MLLT10: variants seen among roughly 807,000 people sequenced by gnomAD.
MLLT10 encodes the protein MLLT10 histone lysine methyltransferase DOT1L cofactor.
Under a neutral mutation model 129.1 loss-of-function variants are expected in MLLT10, and 30 were observed. The ratio of observed to expected loss-of-function variants is 0.23; its 90% CI spans 0.17 to 0.32. The LOEUF (loss-of-function observed/expected upper bound fraction) is 0.32, where lower values mean the gene tolerates loss of function less well. Among genes scored for constraint, MLLT10 ranks in the 10% least tolerant of loss-of-function variants. The probability of loss-of-function intolerance (pLI) is 1.00; values close to 1 mark genes in which losing one functional copy is unlikely to be tolerated. For synonymous variants in MLLT10, 490 were observed against 446.4 expected, an observed-to-expected ratio of 1.10 and a Z score of -1.23; for missense variants, 1,119 against 1,268.3, an observed-to-expected ratio of 0.88 and a Z score of 1.79.
intron 3 of MLLT10, among the ~76,000 whole-genome samples, chr10:21,559,431 A>T (rs949631698): frequency 6.6e-6 from 1 of 152,220 alleles, no homozygotes; most frequent in African/African-American, 2.4e-5. Flanking sequence ...GAACATGGTA[A>T]TCTGATTATT....
rs71393913 is a variant in MLLT10, at chr10:21,610,984, CTTTTT to C, written c.406-1348_406-1344del. On this transcript the variant is annotated intron_variant, in intron 5 of 22. Transcript: ENST00000307729. ...ATCCTAGTTTTTCTTTCTTTTTTCT[CTTTTT>C]TTTTTTTTTTTTTTTCCTTTTTTTG... Among the ~76,000 whole-genome samples the C allele has an allele frequency of 7.1e-3, 732 of 102,894 alleles. 3 individuals are homozygous for C. Among genetic ancestry groups the C allele is most frequent in the Non-Finnish European group, 9.7e-3 (503 of 51,834 alleles). The allele number at this position is 102,894 out of a possible 152,430, so 67.5% of individuals were successfully genotyped here. A position where few individuals can be genotyped will look rare whatever the true frequency, so the allele number is the denominator to read the frequency against.
At position 21,670,693 on chromosome 10, in the gene MLLT10, C is replaced by G. The variant is rs201546942; in HGVS notation, c.1040C>G (p.Pro347Arg). The G allele has an allele frequency of 1.9e-5, 31 of 1,613,590 alleles. No homozygotes were observed. Among genetic ancestry groups the G allele is most frequent in the African/African-American group, 2.7e-5 (2 of 74,896 alleles). ...GGAACAACTGTGTCAGCAGCTAGCC[C>G]TTTTCCTCAAGGTATTAGTGATGTT... ...NPGTTVSAAS[P>R]FPQGSFSGTP... Residue 347 changes from proline (P) to arginine (R), a missense_variant, in exon 10 of 23, where the codon CCT becomes CGT. Physicochemically the swap from Pro to Arg is moderately radical, Grantham distance 103. Around this residue, in one of 5 missense-constraint regions of MLLT10, gnomAD observed 1,004 missense variants for 1,008.7 expected, o/e 1.00. Coordinates refer to ENST00000307729, the MANE Select transcript of MLLT10 (RefSeq NM_001195626.3).
intron 3 of MLLT10, among the ~76,000 whole-genome samples, chr10:21,547,974 T>C (rs2036383656): frequency 6.6e-6 from 1 of 152,176 alleles, no homozygotes; most frequent in African/African-American, 2.4e-5. Flanking sequence ...TTTGAAGGTT[T>C]TGGTATTTTT....
At chr10:21,600,670 TTTTTC>T (rs1488080152) in intron 5 of MLLT10, among the ~76,000 whole-genome samples, 5 of 152,212 alleles carry the variant, frequency 3.3e-5, no homozygotes, top group Non-Finnish European at 7.3e-5. Flanking sequence ...CTTAAATTGA[TTTTTC>T]TTTTCTGGAA....
At chr10:21,534,093 A>G (rs1309998632), upstream of MLLT10, 1 of 235,362 alleles carries the variant, frequency 4.2e-6, no homozygotes, top group East Asian at 8.2e-5. Flanking sequence ...CCCCCAGCAC[A>G]CCTCGGCGGC....
intron 5 of MLLT10, among the ~76,000 whole-genome samples, chr10:21,600,167 C>T (rs1160295512): frequency 1.3e-5 from 2 of 151,952 alleles, no homozygotes; most frequent in East Asian, 1.9e-4. Flanking sequence ...TATTTTTATC[C>T]TGGCACCACA....
rs1564748582 is a variant in MLLT10, at chr10:21,735,219, C to G, written c.2939C>G (p.Ser980Cys). The G allele has an allele frequency of 6.2e-7, 1 of 1,612,572 alleles. No individual in the cohort carries two copies. The highest frequency in any genetic ancestry group is 2.2e-5 in the East Asian group (1 of 44,860). The change falls in exon 21 of 23, where the codon TCT (serine) becomes TGT (cysteine). Residue 980 changes from serine (S) to cysteine (C), a missense_variant. Ser to Cys is a moderately radical substitution (Grantham distance 112, BLOSUM62 -1). Transcript: ENST00000307729. ...HQQQFQQLLN[S>C]QQLTPEQHQA... The stretch of plus-strand genomic sequence containing the variant: ...CAGCAGTTTCAGCAGTTGTTAAATT[C>G]TCAACAGCTCACACCAGTAAGTTCT...
chr10:21,622,049 G>C (rs1004364212), intron 8 of MLLT10, among the ~76,000 whole-genome samples: 3 of 151,914 alleles, frequency 2.0e-5, no homozygotes, highest in Non-Finnish European at 4.4e-5. Context: ...ATTAGCACTG[G>C]TTAGGTACTA....
chr10:21,550,487 T>G (rs1371242451), intron 3 of MLLT10, among the ~76,000 whole-genome samples: 1 of 152,228 alleles, frequency 6.6e-6, no homozygotes, highest in Non-Finnish European at 1.5e-5. Context: ...TTGTTTCTGA[T>G]AGCTTCGTTA....
intron 3 of MLLT10, among the ~76,000 whole-genome samples, chr10:21,584,104 G>A (rs1247009385): frequency 4.6e-5 from 7 of 151,524 alleles, no homozygotes; most frequent in Non-Finnish European, 1.0e-4. Flanking sequence ...TCCTGACCCC[G>A]TGATCCACCC....
Position 21,735,183 on chromosome 10 carries a change from T to A in MLLT10, c.2903T>A (p.Leu968His), listed in dbSNP as rs1564748381. The A allele has an allele frequency of 6.2e-7, 1 of 1,614,026 alleles. No individual in the cohort carries two copies. Among genetic ancestry groups the A allele is most frequent in the Non-Finnish European group, 8.5e-7 (1 of 1,180,014 alleles). ...CTTTCTGACCAGCAACGACAAATAC[T>A]TATTCATCAACAGCAGTTTCAGCAG... ...GLLSDQQRQILIHQQQFQQLL... is the reference protein window; with the variant it reads ...GLLSDQQRQIHIHQQQFQQLL... Residue 968 changes from leucine (L) to histidine (H), a missense_variant, in exon 21 of 23, where the codon CTT (leucine) becomes CAT (histidine). Leu to His is a moderately conservative substitution (Grantham distance 99). Around this residue, in one of 5 missense-constraint regions of MLLT10, gnomAD observed 1,004 missense variants for 1,008.7 expected, o/e 1.00. Transcript: ENST00000307729.
In MLLT10 at chr10:21,727,917, T is replaced by TCTCTCGC; in HGVS notation, c.2054_2060dup (p.Arg688LeufsTer14). 6.2e-7 allele frequency: 1 copy of TCTCTCGC among 1,613,950 alleles called. No homozygotes were observed. Among genetic ancestry groups the TCTCTCGC allele is most frequent in the Non-Finnish European group, 8.5e-7 (1 of 1,179,954 alleles). ...GCAGAGGAAGCTCACCCCGAGGAAG[T>TCTCTCGC]CTCTCGCCACGGTAAGCGCTATTTA... On this transcript the variant is annotated frameshift_variant, in exon 16 of 23. Transcript: ENST00000307729. LOFTEE classifies it high-confidence loss of function.
chr10:21,545,749 A>T (rs1305257800), intron 3 of MLLT10, among the ~76,000 whole-genome samples: 1 of 152,208 alleles, frequency 6.6e-6, no homozygotes, highest in Non-Finnish European at 1.5e-5. Flanking sequence ...TGACTGCAAC[A>T]TCGAACTCTG....
intron 3 of MLLT10, chr10:21,564,593 T>A (rs2039303880): frequency 6.6e-6 from 1 of 152,084 alleles, no homozygotes; most frequent in South Asian, 2.1e-4. Context: ...CCTTTATATG[T>A]CCTCTGTTCA....
In MLLT10 at chr10:21,743,064, G is replaced by T; in HGVS notation, c.*1081G>T. 4.3e-6 allele frequency: 1 copy of T among 230,612 alleles called. No homozygotes were observed. The highest frequency in any genetic ancestry group is 8.6e-6 in the Non-Finnish European group (1 of 116,348). The allele number at this position is 230,612 out of a possible 1,614,324, so 14.3% of individuals were successfully genotyped here. On this transcript the variant is annotated 3_prime_UTR_variant, in exon 23 of 23. Transcript: ENST00000307729. ...CACCACTAGAGTTCCTGAAACAGGT[G>T]AAACCTGTATGACAGCCCTTCCACT...
At chr10:21,719,538 G>T (rs528400695) in intron 14 of MLLT10, among the ~76,000 whole-genome samples, 1 of 152,238 alleles carries the variant, frequency 6.6e-6, no homozygotes, top group East Asian at 1.9e-4. Flanking sequence ...ATGCTAAGAG[G>T]TATCTCCTTG....
At chr10:21,622,323 ATT>A (rs57240669) in intron 8 of MLLT10, among the ~76,000 whole-genome samples, 31 of 136,664 alleles carry the variant, frequency 2.3e-4, no homozygotes, top group Non-Finnish European at 2.7e-4. Flanking sequence ...ATGCCGGCCA[ATT>A]TTTTTTTTTT....
intron 8 of MLLT10, among the ~76,000 whole-genome samples, chr10:21,618,246 A>G (rs1264126858): frequency 6.6e-6 from 1 of 152,010 alleles, no homozygotes; most frequent in East Asian, 1.9e-4. Flanking sequence ...TGGTGGCTCA[A>G]GCTTGTAAGC....
At position 21,673,074 on chromosome 10, in the gene MLLT10, G is replaced by A. The variant is rs183092659; in HGVS notation, c.1052-276G>A. On this transcript the variant is annotated intron_variant, in intron 10 of 22. Transcript: ENST00000307729. ...TGGCAAAAGGTAGGTGAAATAAAGC[G>A]CATCTTATATCTTAATAATTATTTA... Among the ~76,000 whole-genome samples, 670 of 152,068 alleles carry A rather than the reference G, an allele frequency of 4.4e-3. 2 individuals are homozygous for A. The highest frequency in any genetic ancestry group is 6.9e-3 in the South Asian group (33 of 4,804).
Sources: gnomAD v4.1 joint callset for allele counts (sites outside exome capture counted in the v4.1 genomes callset) on GRCh38, gnomAD v4.1.1 for gene constraint, gnomAD v4.1.1 regional missense constraint, MANE v1.5 for transcripts, NCBI Gene and HGNC (gene_info 2026-07-23, HGNC 2026-07-21) for gene names.